Variants in LAMA2 observed in about 807,000 individuals in gnomAD.
The protein encoded by LAMA2 is laminin subunit alpha-2.
LAMA2 carries 269 observed loss-of-function variants against 364.8 expected under a neutral mutation model. The observed-to-expected ratio is 0.74, with a 90% CI of 0.67 to 0.82. LAMA2 has a LOEUF of 0.82. LAMA2 is among the 40% of genes least tolerant of loss of function. The pLI is 0.00. For missense variants in LAMA2, 3,807 were observed against 3,873.2 expected (o/e 0.98, Z 0.45); for synonymous variants, 1,379 against 1,370.6 (o/e 1.01, Z -0.14).
intron 40 of LAMA2, among the ~76,000 whole-genome samples, chr6:129,426,957 A>G (rs960253786): frequency 6.6e-6 from 1 of 152,168 alleles, no homozygotes; most frequent in Admixed American, 6.5e-5. Flanking sequence ...TACTTTTCCA[A>G]TTTAAAATTT....
chr6:129,417,818 C>T (rs1780877738), intron 40 of LAMA2, among the ~76,000 whole-genome samples: 2 of 152,156 alleles, frequency 1.3e-5, no homozygotes, highest in African/African-American at 4.8e-5. Context: ...AGCATATGCA[C>T]ACCTGGCTGG....
chr6:128,911,361 C>G (rs578008798), intron 1 of LAMA2, among the ~76,000 whole-genome samples: 6 of 152,272 alleles, frequency 3.9e-5, no homozygotes, highest in South Asian at 2.1e-4. Flanking sequence ...TTAAGCCCGT[C>G]GGAAAGGCGC....
At position 129,402,339 on chromosome 6, in the gene LAMA2, C is replaced by T. The variant is rs1165626901; in HGVS notation, c.5578C>T (p.Gln1860Ter). The change falls in exon 39 of 65, where the codon CAA becomes TAA. Residue 1860 changes from glutamine to a stop codon, truncating the protein, a stop_gained. Transcript: ENST00000421865. LOFTEE classifies it high-confidence loss of function. Reference protein sequence around the residue: ...NSIIDYVEDIQTKLPPMSEEL... With the variant: ...NSIIDYVEDI ...TACATATCAGTATGTTGAAGACATC[C>T]AAACTAAATTGCCACCTATGTCTGA... The T allele has an allele frequency of 6.2e-7, 1 of 1,613,558 alleles. No homozygotes were observed. The highest frequency in any genetic ancestry group is 8.5e-7 in the Non-Finnish European group (1 of 1,179,666).
chr6:129,505,328 C>G lies in LAMA2; in HGVS notation c.8676C>G (p.Ile2892Met). 1 of 1,613,780 alleles carries G rather than the reference C, an allele frequency of 6.2e-7. No homozygotes were observed. Among genetic ancestry groups the G allele is most frequent in the Non-Finnish European group, 8.5e-7 (1 of 1,179,686 alleles). ...VGMLYVGGLP[I>M]NYTTRRIGPV... The stretch of plus-strand genomic sequence containing the variant: ...TGCTGTATGTTGGTGGGTTACCCAT[C>G]AACTACACTACCCGAAGAATTGGTC... The change falls in exon 61 of 65, where the codon ATC (isoleucine) becomes ATG (methionine). Residue 2892 changes from isoleucine to methionine, a missense_variant. Transcript: ENST00000421865.
chr6:129,372,913 T>C (rs1206778629), intron 34 of LAMA2, among the ~76,000 whole-genome samples: 1 of 152,242 alleles, frequency 6.6e-6, no homozygotes, highest in Non-Finnish European at 1.5e-5. Flanking sequence ...CGAGCATCTT[T>C]TCATATGCTT....
chr6:129,014,841 G>A (rs944518608), intron 1 of LAMA2, among the ~76,000 whole-genome samples: 5 of 151,634 alleles, frequency 3.3e-5, no homozygotes, highest in African/African-American at 1.2e-4. Context: ...CTAATAGAGT[G>A]GATAACATGA....
chr6:128,883,311 G>A lies in LAMA2; in HGVS notation c.66G>A (p.Ala22=). The change falls in exon 1 of 65, where the codon GCG becomes GCA. Residue 22 remains alanine, a synonymous_variant. Coordinates refer to ENST00000421865, the MANE Select transcript of LAMA2 (RefSeq NM_000426.4). ...CCGGAGGCCTCGGGGGCGTACAGGC[G>A]CAGCGGCCGCAGCAGCAGCGGCAGT... is the stretch of plus-strand genomic sequence containing the variant. ...LLSGGLGGVQ[A]QRPQQQRQSQ... 1 of 1,595,478 alleles carries A rather than the reference G, an allele frequency of 6.3e-7. No individual in the cohort carries two copies. The highest frequency in any genetic ancestry group is 8.5e-7 in the Non-Finnish European group (1 of 1,171,458).
chr6:129,417,732 C>T (rs1780872548), intron 40 of LAMA2, among the ~76,000 whole-genome samples: 2 of 152,258 alleles, frequency 1.3e-5, no homozygotes, highest in East Asian at 3.9e-4. Flanking sequence ...CCCTTGGCCT[C>T]CCTAATGTGC....
intron 1 of LAMA2, among the ~76,000 whole-genome samples, chr6:129,043,092 G>A (rs1270008842): frequency 1.3e-5 from 2 of 152,142 alleles, no homozygotes; most frequent in African/African-American, 4.8e-5. Context: ...TAAAAGGGTT[G>A]TGCTAATTTA....
intron 4 of LAMA2, among the ~76,000 whole-genome samples, chr6:129,124,279 G>A (rs1776980491): frequency 6.6e-6 from 1 of 152,154 alleles, no homozygotes; most frequent in South Asian, 2.1e-4. Context: ...GATCTTCTCA[G>A]GGATGTTTGT....
At chr6:128,955,379 T>C (rs1781076817) in intron 1 of LAMA2, among the ~76,000 whole-genome samples, 1 of 152,084 alleles carries the variant, frequency 6.6e-6, no homozygotes, top group African/African-American at 2.4e-5. Context: ...AGCTAGGAAT[T>C]GGCAGAACCA....
intron 3 of LAMA2, among the ~76,000 whole-genome samples, chr6:129,077,829 A>G (rs1181061425): frequency 2.0e-5 from 3 of 152,146 alleles, no homozygotes; most frequent in Non-Finnish European, 2.9e-5. Flanking sequence ...TCAAGACACT[A>G]TTTCTCACTT....
intron 35 of LAMA2, among the ~76,000 whole-genome samples, chr6:129,386,868 G>T (rs1231382639): frequency 6.6e-6 from 1 of 152,062 alleles, no homozygotes; most frequent in African/African-American, 2.4e-5. Context: ...TGTCCATTTT[G>T]GGGAGCTTGT....
intron 33 of LAMA2, among the ~76,000 whole-genome samples, chr6:129,369,303 A>T (rs754183138): frequency 1.3e-5 from 2 of 152,180 alleles, no homozygotes; most frequent in Non-Finnish European, 2.9e-5. Flanking sequence ...ACTGGTTCAG[A>T]GTGACCTTGT....
chr6:129,134,557 G>A (rs1777674624), intron 4 of LAMA2, among the ~76,000 whole-genome samples: 1 of 152,184 alleles, frequency 6.6e-6, no homozygotes, highest in Non-Finnish European at 1.5e-5. Flanking sequence ...TTGACAGGGG[G>A]GATGGGGAGT....
chr6:129,008,279 T>C (rs952607488), intron 1 of LAMA2, among the ~76,000 whole-genome samples: 18 of 151,994 alleles, frequency 1.2e-4, no homozygotes, highest in African/African-American at 4.1e-4. Flanking sequence ...TTAAGATTAC[T>C]CCTTTGGGGA....
At chr6:129,144,655 G>A (rs764807695) in intron 5 of LAMA2, among the ~76,000 whole-genome samples, 5 of 151,902 alleles carry the variant, frequency 3.3e-5, no homozygotes, top group Admixed American at 6.6e-5. Context: ...TGATGTTGCC[G>A]GTTTGTGGGC....
chr6:129,296,393 T>C (rs544464111), intron 20 of LAMA2, among the ~76,000 whole-genome samples: 1 of 152,120 alleles, frequency 6.6e-6, no homozygotes, highest in Non-Finnish European at 1.5e-5. Flanking sequence ...GTTACATGCT[T>C]TTTTCTTTAA....
At chr6:129,066,047 T>TTTTTTTCTTTTTTC (rs1789296174) in intron 3 of LAMA2, among the ~76,000 whole-genome samples, 1 of 81,864 alleles carries the variant, frequency 1.2e-5, no homozygotes, top group Non-Finnish European at 2.5e-5. Context: ...GGTTTTTTTT[T>TTTTTTTCTTTTTTC]TTTTTTTTTT....
Sources: allele counts gnomAD v4.1 joint callset (sites outside exome capture counted in the v4.1 genomes callset), GRCh38; gene constraint gnomAD v4.1.1; transcripts MANE v1.5; gene names NCBI Gene and HGNC (gene_info 2026-07-23, HGNC 2026-07-21).